CLASP2: variants seen among roughly 807,000 people sequenced by gnomAD.
CLASP2 encodes the protein CLIP-associating protein 2.
CLASP2 carries 47 observed loss-of-function variants against 194.4 expected under a neutral mutation model. That is an observed-to-expected ratio of 0.24 (90% confidence interval 0.19 to 0.31). The LOEUF (loss-of-function observed/expected upper bound fraction) is 0.31, where lower values mean the gene tolerates loss of function less well. CLASP2 is among the 10% of genes least tolerant of loss of function. The pLI, the probability that CLASP2 is intolerant of heterozygous loss-of-function variation, is 1.00. For missense variants in CLASP2, 1,445 were observed against 1,823.6 expected (o/e 0.79, Z 3.78); for synonymous variants, 619 against 633.5 (o/e 0.98, Z 0.34).
rs1378662935 is a variant in CLASP2, at chr3:33,648,907, T to A, written c.716-4004A>T. On this transcript the variant is annotated intron_variant, in intron 7 of 38. Coordinates refer to ENST00000682230, the MANE Select transcript of CLASP2 (RefSeq NM_001365631.1). ...CTAACTCTTCCTGCTGCTTACCTCA[T>A]CCCCTAAAGTTTATTCTCAACATGG... 2.0e-5 allele frequency among the ~76,000 whole-genome samples: 3 copies of A among 152,288 alleles called. No homozygotes were observed. In the East Asian group the frequency reaches 5.8e-4, roughly 29 times the overall value.
chr3:33,680,483 C>T (rs2089630725), intron 6 of CLASP2, among the ~76,000 whole-genome samples: 1 of 152,210 alleles, frequency 6.6e-6, no homozygotes, highest in Non-Finnish European at 1.5e-5. Context: ...TGTACCTTCA[C>T]TTAATTTTAC....
intron 1 of CLASP2, among the ~76,000 whole-genome samples, chr3:33,705,619 T>C (rs983081642): frequency 6.6e-6 from 1 of 152,204 alleles, no homozygotes; most frequent in African/African-American, 2.4e-5. Context: ...CCAAGCAGTA[T>C]CTCAAATAAG....
chr3:33,545,920 AAAAG>A (rs1326512250), intron 30 of CLASP2, among the ~76,000 whole-genome samples: 2 of 152,060 alleles, frequency 1.3e-5, no homozygotes, highest in Non-Finnish European at 2.9e-5. Flanking sequence ...AAAAAAAAAA[AAAAG>A]AGTGTTATGA....
At chr3:33,592,975 C>A (rs990836872) in intron 20 of CLASP2, among the ~76,000 whole-genome samples, 2 of 152,164 alleles carry the variant, frequency 1.3e-5, no homozygotes, top group Non-Finnish European at 2.9e-5. Flanking sequence ...AAGATTTAAT[C>A]TCTTTATATC....
At position 33,606,585 on chromosome 3, in the gene CLASP2, C is replaced by T. The variant is rs1172665887; in HGVS notation, c.1694+6G>A. Reference sequence around the variant, plus strand: ...AGACTAGTAATCATTATTTATATGACCTTACTTGAGACTTTCCTGTGAGCT... The same window carrying T: ...AGACTAGTAATCATTATTTATATGATCTTACTTGAGACTTTCCTGTGAGCT... On this transcript the variant is annotated splice_donor_region_variant and intron_variant, in intron 16 of 38. Transcript: ENST00000682230. The T allele has an allele frequency of 2.5e-6, 4 of 1,609,942 alleles. No homozygotes were observed. The highest frequency in any genetic ancestry group is 1.3e-5 in the African/African-American group (1 of 74,744).
intron 1 of CLASP2, among the ~76,000 whole-genome samples, chr3:33,705,299 C>T (rs1279877213): frequency 6.6e-6 from 1 of 152,108 alleles, no homozygotes; most frequent in Non-Finnish European, 1.5e-5. Flanking sequence ...CAAGAGGCTA[C>T]ATGTTATATG....
At chr3:33,623,067 C>T (rs1408381967) in intron 10 of CLASP2, among the ~76,000 whole-genome samples, 4 of 152,130 alleles carry the variant, frequency 2.6e-5, no homozygotes, top group Non-Finnish European at 5.9e-5. Flanking sequence ...CCTTGGCCTC[C>T]CAGCAGGAGT....
At chr3:33,506,126 G>A (rs538875667) in intron 37 of CLASP2, among the ~76,000 whole-genome samples, 3 of 151,980 alleles carry the variant, frequency 2.0e-5, no homozygotes, top group African/African-American at 7.2e-5. Flanking sequence ...TGTAATCCCA[G>A]CACTTTGGGA....
chr3:33,522,912 C>T (rs976670207), intron 34 of CLASP2, among the ~76,000 whole-genome samples: 1 of 152,018 alleles, frequency 6.6e-6, no homozygotes. Flanking sequence ...CTACTAAAAA[C>T]ACACACACAC....
At chr3:33,572,813 TTTA>T (rs566563995) in intron 25 of CLASP2, among the ~76,000 whole-genome samples, 42 of 152,082 alleles carry the variant, frequency 2.8e-4, no homozygotes, top group East Asian at 1.5e-3. Context: ...CTATGTACTT[TTTA>T]TTATTAAATA....
intron 7 of CLASP2, among the ~76,000 whole-genome samples, chr3:33,646,545 T>G (rs1038879533): frequency 6.6e-6 from 1 of 151,196 alleles, no homozygotes; most frequent in African/African-American, 2.4e-5. Flanking sequence ...TAAGAAAGAG[T>G]AGACATACAA....
chr3:33,551,126 T>A (rs939675023), intron 30 of CLASP2, 126 bp downstream of exon 30: 2 of 741,178 alleles, frequency 2.7e-6, no homozygotes, highest in East Asian at 2.8e-5. Context: ...AAAGATTTTT[T>A]AAAAAGCTCT....
intron 20 of CLASP2, 197 bp from the exon 21 acceptor site, chr3:33,592,693 TTCAAGG>T (rs1351206335): frequency 3.2e-6 from 2 of 633,630 alleles, no homozygotes; most frequent in East Asian, 5.9e-5. Flanking sequence ...CTAATTTTCC[TTCAAGG>T]ATAAGAAGAA....
At chr3:33,579,893 T>C (rs1378585961) in intron 23 of CLASP2, among the ~76,000 whole-genome samples, 1 of 152,212 alleles carries the variant, frequency 6.6e-6, no homozygotes, top group African/African-American at 2.4e-5. Flanking sequence ...AGTAGGATGA[T>C]TATTTTATAC....
intron 1 of CLASP2, among the ~76,000 whole-genome samples, chr3:33,700,420 G>A (rs1301447227): frequency 6.6e-6 from 1 of 151,556 alleles, no homozygotes; most frequent in Non-Finnish European, 1.5e-5. Context: ...GCAAGACACT[G>A]TCTCAAACAA....
intron 21 of CLASP2, among the ~76,000 whole-genome samples, chr3:33,589,503 T>C (rs2068202428): frequency 6.6e-6 from 1 of 152,040 alleles, no homozygotes; most frequent in Non-Finnish European, 1.5e-5. Context: ...TGCATACAAA[T>C]TACATAATAC....
chr3:33,565,730 T>C (rs1327334121), intron 27 of CLASP2, among the ~76,000 whole-genome samples: 1 of 151,892 alleles, frequency 6.6e-6, no homozygotes, highest in African/African-American at 2.4e-5. Flanking sequence ...GAGAACTGCT[T>C]GAACCCAGGA....
At chr3:33,595,309 G>C (rs2069964392) in intron 19 of CLASP2, among the ~76,000 whole-genome samples, 1 of 152,012 alleles carries the variant, frequency 6.6e-6, no homozygotes, top group African/African-American at 2.4e-5. Flanking sequence ...ATTACTCTTT[G>C]AAAATGAAAT....
Position 33,544,624 on chromosome 3 carries a change from C to T in CLASP2, c.3297+74G>A, listed in dbSNP as rs146976997. 178 of 1,349,688 alleles carry T rather than the reference C, an allele frequency of 1.3e-4. No homozygotes were observed. The African/African-American group carries it at 1.9e-3, about 14-fold the overall frequency. The allele number at this position is 1,349,688 out of a possible 1,614,324, so 83.6% of individuals were successfully genotyped here. On this transcript the variant is annotated intron_variant, in intron 31 of 38. Coordinates refer to ENST00000682230, the MANE Select transcript of CLASP2 (RefSeq NM_001365631.1). ...TATATATTAAGGATCAAGTTTACTT[C>T]GTATAAAAGAAAGCAATTATTATTA...
Sources: gnomAD v4.1 joint callset for allele counts (sites outside exome capture counted in the v4.1 genomes callset) on GRCh38, gnomAD v4.1.1 for gene constraint, MANE v1.5 for transcripts, NCBI Gene and HGNC (gene_info 2026-07-23, HGNC 2026-07-21) for gene names.